Variants in SCRG1 observed in about 807,000 individuals in gnomAD.
The protein encoded by SCRG1 is scrapie-responsive protein 1.
A neutral mutation model predicts 7.7 loss-of-function variants in SCRG1; 3 were observed. That is an observed-to-expected ratio of 0.39 (90% CI 0.18 to 1.01). The LOEUF (loss-of-function observed/expected upper bound fraction) is 1.01, where lower values mean the gene tolerates loss of function less well. SCRG1 is among the 50% of genes least tolerant of loss of function. SCRG1 has a pLI of 0.36. For missense variants in SCRG1, 110 were observed against 117.2 expected, an observed-to-expected ratio of 0.94 and a Z score of 0.28; for synonymous variants, 46 against 41.2, an observed-to-expected ratio of 1.12 and a Z score of -0.44.
At chr4:173,430,713 G>C in the SCRG1 span, among the ~76,000 whole-genome samples, 1 of 148,978 alleles carries the variant, frequency 6.7e-6, no homozygotes, top group Non-Finnish European at 1.5e-5. Flanking sequence ...AGGCTGAAGT[G>C]AGAGAATCAC....
At chr4:173,496,077 G>T in the SCRG1 span, among the ~76,000 whole-genome samples, 2 of 152,130 alleles carry the variant, frequency 1.3e-5, no homozygotes, top group Non-Finnish European at 2.9e-5. Flanking sequence ...TCAGAATCAC[G>T]GCTTAATGTA....
At chr4:173,457,768 G>A in the SCRG1 span, among the ~76,000 whole-genome samples, 1 of 152,146 alleles carries the variant, frequency 6.6e-6, no homozygotes, top group African/African-American at 2.4e-5. Flanking sequence ...AGGAGTGTGT[G>A]ACACTTATAC....
chr4:173,499,866 G>C, the SCRG1 span, among the ~76,000 whole-genome samples: 1 of 152,208 alleles, frequency 6.6e-6, no homozygotes. This position sits in a 1 kb window ranked among gnomAD's most constrained non-coding sequence, Gnocchi z 4.1. Context: ...GTTTTGGCAG[G>C]CCAGGCCTTC....
the SCRG1 span, among the ~76,000 whole-genome samples, chr4:173,455,044 C>G: frequency 9.2e-4 from 140 of 152,158 alleles, no homozygotes; most frequent in Middle Eastern, 3.4e-3. Flanking sequence ...AGTCTCACAC[C>G]TGCCTCTCCA....
the SCRG1 span, among the ~76,000 whole-genome samples, chr4:173,482,840 A>G: frequency 6.8e-6 from 1 of 147,490 alleles, no homozygotes; most frequent in African/African-American, 2.5e-5. Context: ...GCACACACAC[A>G]TACACACACT....
At chr4:173,500,472 T>G in the SCRG1 span, among the ~76,000 whole-genome samples, 72 of 150,216 alleles carry the variant, frequency 4.8e-4, no homozygotes, top group African/African-American at 1.4e-3. Flanking sequence ...TTAGTAAATT[T>G]TGTGTGTGTG....
chr4:173,423,940 G>T, the SCRG1 span, among the ~76,000 whole-genome samples: 1 of 152,138 alleles, frequency 6.6e-6, no homozygotes, highest in African/African-American at 2.4e-5. Flanking sequence ...GAAAGAGAAA[G>T]AATAGAAAAT....
At chr4:173,497,498 T>C in the SCRG1 span, among the ~76,000 whole-genome samples, 1 of 151,872 alleles carries the variant, frequency 6.6e-6, no homozygotes, top group African/African-American at 2.4e-5. Context: ...CTGAAATACT[T>C]TGGATTCCAG....
chr4:173,486,876 T>C, the SCRG1 span, among the ~76,000 whole-genome samples: 4 of 152,134 alleles, frequency 2.6e-5, no homozygotes, highest in African/African-American at 9.7e-5. Context: ...TCTTCCAGGG[T>C]TCCTGTCACT....
At chr4:173,507,203 G>T in the SCRG1 span, among the ~76,000 whole-genome samples, 2 of 151,136 alleles carry the variant, frequency 1.3e-5, no homozygotes, top group African/African-American at 4.9e-5. The surrounding 1 kb of genome is among the most constrained non-coding windows in gnomAD (Gnocchi z 4.4). Flanking sequence ...TTTTCTGTTT[G>T]TTTGTTTGTT....
At chr4:173,480,765 T>G in the SCRG1 span, among the ~76,000 whole-genome samples, 4 of 151,276 alleles carry the variant, frequency 2.6e-5, no homozygotes, top group African/African-American at 9.7e-5. Context: ...GGTGTCCTCA[T>G]TTTTTTTTAA....
rs1739231013 is a variant in SCRG1, at chr4:173,385,896, T to C, written c.*2445A>G. On this transcript the variant is annotated 3_prime_UTR_variant, in exon 3 of 3. Transcript: ENST00000296506. ...AAAACTGGTTTGCTGATAGTTTTTT[T>C]AAATTTACCTATTCTATGCATTGTT... 1 of 152,204 alleles carries C rather than the reference T, an allele frequency of 6.6e-6. No homozygotes were observed. The allele number at this position is 152,204 out of a possible 1,614,324, so 9.4% of individuals were successfully genotyped here.
At chr4:173,421,424 G>T in the SCRG1 span, among the ~76,000 whole-genome samples, 59,555 of 151,128 alleles carry the variant, frequency 0.39, 12,500 homozygotes, top group Admixed American at 0.56. Context: ...GTTGGGGGGG[G>T]GTTGATTTGT....
the SCRG1 span, among the ~76,000 whole-genome samples, chr4:173,503,308 T>C: frequency 6.6e-6 from 1 of 152,156 alleles, no homozygotes; most frequent in Non-Finnish European, 1.5e-5. This position sits in a 1 kb window ranked among gnomAD's most constrained non-coding sequence, Gnocchi z 6.4. Context: ...TGGGGAGGGT[T>C]GGACGTGGAC....
At chr4:173,410,141 A>T (rs1242685448), upstream of SCRG1, among the ~76,000 whole-genome samples, 2 of 152,228 alleles carry the variant, frequency 1.3e-5, no homozygotes, top group Non-Finnish European at 2.9e-5. Flanking sequence ...GAGGTCTCCC[A>T]AGAAGAGAGA....
intron 1 of SCRG1, among the ~76,000 whole-genome samples, chr4:173,397,504 A>G (rs1739639411): frequency 6.6e-6 from 1 of 152,192 alleles, no homozygotes; most frequent in Admixed American, 6.5e-5. Context: ...CAAATGTTGT[A>G]TGATACCATT....
rs995495337 is a variant in SCRG1, at chr4:173,396,821, G to A, written c.-15+2247C>T. Among the ~76,000 whole-genome samples the A allele has an allele frequency of 4.6e-5, 7 of 151,510 alleles. 1 individual carries two copies. The highest frequency in any genetic ancestry group is 3.9e-4 in the East Asian group (2 of 5,126). ...TGTAATCCCAGCACTCTGGGAGGCC[G>A]AGGCGGGCAGATCACGAGGTCAAGA... is the stretch of plus-strand genomic sequence containing the variant. On this transcript the variant is annotated intron_variant, in intron 1 of 2. Transcript: ENST00000296506.
At chr4:173,446,312 T>C in the SCRG1 span, among the ~76,000 whole-genome samples, 1 of 152,206 alleles carries the variant, frequency 6.6e-6, no homozygotes, top group Non-Finnish European at 1.5e-5. Context: ...AAAGCAATGC[T>C]GGTTAAAACT....
chr4:173,426,362 G>A, the SCRG1 span, among the ~76,000 whole-genome samples: 8 of 152,096 alleles, frequency 5.3e-5, no homozygotes, highest in African/African-American at 9.7e-5. Context: ...TCCCCTCCCC[G>A]ACTTCTTGTA....
Sources: gnomAD v4.1 joint callset for allele counts (sites outside exome capture counted in the v4.1 genomes callset) on GRCh38, gnomAD v4.1.1 for gene constraint, Gnocchi (gnomAD v3.1) non-coding constraint, MANE v1.5 for transcripts, NCBI Gene and HGNC (gene_info 2026-07-23, HGNC 2026-07-21) for gene names.